The following CACNA1E variants were observed in gnomAD, a reference collection of about 807,000 sequenced individuals.
CACNA1E encodes the protein voltage-dependent R-type calcium channel subunit alpha-1E.
A neutral mutation model predicts 259.2 loss-of-function variants in CACNA1E; 40 were observed. The ratio of observed to expected loss-of-function variants is 0.15; its 90% CI spans 0.12 to 0.20. The LOEUF (loss-of-function observed/expected upper bound fraction) is 0.20, where lower values mean the gene tolerates loss of function less well. Among genes scored for constraint, CACNA1E ranks in the 10% least tolerant of loss-of-function variants. CACNA1E has a pLI of 1.00. For missense variants in CACNA1E, 1,874 were observed against 3,040.1 expected, an observed-to-expected ratio of 0.62 and a Z score of 9.02; for synonymous variants, 1,104 against 1,138.5, an observed-to-expected ratio of 0.97 and a Z score of 0.61.
At chr1:181,717,771 A>G (rs765009043) in intron 11 of CACNA1E, among the ~76,000 whole-genome samples, 22 of 152,114 alleles carry the variant, frequency 1.4e-4, no homozygotes, top group Admixed American at 5.9e-4. Context: ...TCAAAGCCAT[A>G]GTAAGTCCTC....
intron 3 of CACNA1E, among the ~76,000 whole-genome samples, chr1:181,561,613 C>A (rs772113308): frequency 6.6e-6 from 1 of 152,148 alleles, no homozygotes; most frequent in Non-Finnish European, 1.5e-5. Flanking sequence ...CTGCATATAT[C>A]TGTAGTTCAT....
chr1:181,365,503 G>A (rs1410241194), intron 1 of CACNA1E, among the ~76,000 whole-genome samples: 3 of 152,222 alleles, frequency 2.0e-5, no homozygotes, highest in East Asian at 1.9e-4. Flanking sequence ...CCTGGCATTC[G>A]GAGACAGTTG....
intron 6 of CACNA1E, among the ~76,000 whole-genome samples, chr1:181,589,238 A>G (rs992270528): frequency 6.6e-6 from 1 of 152,222 alleles, no homozygotes; most frequent in African/African-American, 2.4e-5. Flanking sequence ...TGTAATTGCC[A>G]GGCAGTAAGA....
intron 2 of CACNA1E, among the ~76,000 whole-genome samples, chr1:181,425,136 G>A (rs1178241833): frequency 6.6e-6 from 1 of 152,192 alleles, no homozygotes; most frequent in Non-Finnish European, 1.5e-5. Context: ...GGTTGTTTCT[G>A]TGTATTGCAG....
intron 7 of CACNA1E, among the ~76,000 whole-genome samples, chr1:181,697,950 G>A (rs539436336): frequency 2.0e-5 from 3 of 152,194 alleles, no homozygotes; most frequent in Non-Finnish European, 4.4e-5. Flanking sequence ...ATGCTGGGGT[G>A]GGGGTTATGG....
chr1:181,694,412 T>A (rs567779821), intron 7 of CACNA1E, among the ~76,000 whole-genome samples: 1 of 152,312 alleles, frequency 6.6e-6, no homozygotes, highest in South Asian at 2.1e-4. Context: ...TGTGTTATAA[T>A]CCCCAGTGCA....
chr1:181,510,917 T>A (rs888896774), intron 2 of CACNA1E, among the ~76,000 whole-genome samples: 1 of 152,142 alleles, frequency 6.6e-6, no homozygotes, highest in Admixed American at 6.5e-5. Context: ...TTGTGTGTAT[T>A]TGTGGTTATG....
chr1:181,509,962 CAGT>C (rs1214697464), intron 1 of CACNA1E, among the ~76,000 whole-genome samples: 9 of 152,194 alleles, frequency 5.9e-5, no homozygotes, highest in Non-Finnish European at 5.9e-5. Context: ...TTCTGTTACT[CAGT>C]GGTGCAGAGA....
intron 3 of CACNA1E, among the ~76,000 whole-genome samples, chr1:181,557,447 C>T (rs931837675): frequency 1.3e-5 from 2 of 152,222 alleles, no homozygotes; most frequent in African/African-American, 4.8e-5. Context: ...TTCCATCTGA[C>T]AGCTTTAGAT....
intron 9 of CACNA1E, 38 bp from the exon 10 acceptor site, chr1:181,716,002 T>C (rs1653852481): frequency 1.4e-6 from 2 of 1,436,434 alleles, no homozygotes; most frequent in Non-Finnish European, 1.9e-6. Flanking sequence ...CTGGGTGTAC[T>C]TGTGGCCTCT....
At chr1:181,451,166 T>C (rs1661130780) in intron 2 of CACNA1E, among the ~76,000 whole-genome samples, 1 of 152,184 alleles carries the variant, frequency 6.6e-6, no homozygotes, top group East Asian at 1.9e-4. Context: ...CACTCATATA[T>C]TTTCTTCCAC....
chr1:181,509,515 A>G (rs1665991615), intron 1 of CACNA1E, among the ~76,000 whole-genome samples: 1 of 152,182 alleles, frequency 6.6e-6, no homozygotes, highest in South Asian at 2.1e-4. Flanking sequence ...CAGCTGCAGT[A>G]GCTAACTTGT....
intron 6 of CACNA1E, among the ~76,000 whole-genome samples, chr1:181,620,653 G>T (rs1655640712): frequency 6.6e-6 from 1 of 152,204 alleles, no homozygotes; most frequent in Non-Finnish European, 1.5e-5. Context: ...GACTTGGAGA[G>T]TTCCCTTAAG....
At position 181,392,556 on chromosome 1, in the gene CACNA1E, T is replaced by A. The variant is rs1008578821; in HGVS notation, c.-14-20577T>A. 1.3e-4 allele frequency among the ~76,000 whole-genome samples: 20 copies of A among 152,196 alleles called. 1 individual carries two copies. The highest frequency in any genetic ancestry group is 2.8e-4 in the Non-Finnish European group (19 of 68,032). ...GTATTCACCAGAGATGTCATCACTG[T>A]GTGCAGGAACACAGCGGATGCCTGA... On this transcript the variant is annotated intron_variant, in intron 1 of 11. Coordinates refer to the CACNA1E transcript ENST00000524607.
chr1:181,632,666 A>G (rs1656855705), intron 6 of CACNA1E, among the ~76,000 whole-genome samples: 2 of 152,168 alleles, frequency 1.3e-5, no homozygotes, highest in African/African-American at 4.8e-5. Context: ...AAAGTTCCTT[A>G]TTGCTGAGCC....
chr1:181,740,228 G>A (rs1260729881), intron 25 of CACNA1E, among the ~76,000 whole-genome samples: 5 of 152,188 alleles, frequency 3.3e-5, no homozygotes, highest in African/African-American at 9.7e-5. Flanking sequence ...AGTGAGGCAG[G>A]AGAGCTTTCA....
intron 2 of CACNA1E, among the ~76,000 whole-genome samples, chr1:181,475,634 T>C (rs12059186): frequency 0.033 from 4,949 of 152,236 alleles, 266 homozygotes; most frequent in African/African-American, 0.11. Context: ...GAAAGATAGG[T>C]TGAATTCTGA....
At chr1:181,786,267 T>G (rs999323848) in intron 43 of CACNA1E, among the ~76,000 whole-genome samples, 1 of 152,218 alleles carries the variant, frequency 6.6e-6, no homozygotes, top group African/African-American at 2.4e-5. Context: ...TTGACACTTA[T>G]AGAGACACTA....
At chr1:181,403,491 C>A (rs923126882) in intron 1 of CACNA1E, among the ~76,000 whole-genome samples, 1 of 151,784 alleles carries the variant, frequency 6.6e-6, no homozygotes, top group Non-Finnish European at 1.5e-5. Context: ...TAGATTGGGT[C>A]ATTTTTCCAT....
Sources: allele counts gnomAD v4.1 joint callset (sites outside exome capture counted in the v4.1 genomes callset), GRCh38; gene constraint gnomAD v4.1.1; transcripts MANE v1.5; gene names NCBI Gene and HGNC (gene_info 2026-07-23, HGNC 2026-07-21).